ABHD17C: variants seen among roughly 807,000 people sequenced by gnomAD.
ABHD17C encodes the protein alpha/beta hydrolase domain-containing protein 17C.
ABHD17C carries 11 observed loss-of-function variants against 27.9 expected under a neutral mutation model. The observed-to-expected ratio is 0.39, with a 90% CI of 0.25 to 0.65. The LOEUF is 0.65. ABHD17C is among the 30% of genes least tolerant of loss of function. The probability of loss-of-function intolerance (pLI) is 0.45; values close to 1 mark genes in which losing one functional copy is unlikely to be tolerated. For synonymous variants in ABHD17C, 233 were observed against 209.1 expected (o/e 1.11, Z -0.98); for missense variants, 280 against 470.2 (o/e 0.60, Z 3.74).
At position 80,696,212 on chromosome 15, in the gene ABHD17C, C is replaced by T. The variant is rs538751316; in HGVS notation, c.590+193C>T. ...GGCTTGCTCCCACCCTCTCCAAAAA[C>T]CGCGCCAGCCTTCAGGTTCCTGGAG... On this transcript the variant is annotated intron_variant, in intron 1 of 2. Transcript: ENST00000258884. 7.6e-4 allele frequency among the ~76,000 whole-genome samples: 116 copies of T among 152,370 alleles called. No homozygotes were observed. The Middle Eastern group carries it at 0.01, about 13-fold the overall frequency.
Position 80,695,523 on chromosome 15 carries a change from A to C in ABHD17C, c.94A>C (p.Lys32Gln), listed in dbSNP as rs1258104537. ...CPPCPSRIAA[K>Q]LAFLPPEPTY... ...GCCCTGCCCGAGCCGCATCGCCGCC[A>C]AGCTGGCCTTCCTGCCGCCCGAGCC... The change falls in exon 1 of 3, where the codon AAG (lysine) becomes CAG (glutamine). Residue 32 changes from lysine to glutamine, a missense_variant. Lys to Gln is a moderately conservative substitution (Grantham distance 53, BLOSUM62 1). This residue lies in a region of ABHD17C where 74 missense variants were observed against 75.5 expected (regional missense o/e 0.98). Coordinates refer to ENST00000258884, the MANE Select transcript of ABHD17C (RefSeq NM_021214.2). This position sits in a 1 kb window ranked among gnomAD's most constrained non-coding sequence, Gnocchi z 4.3. 1 of 1,373,266 alleles carries C rather than the reference A, an allele frequency of 7.3e-7. No individual in the cohort carries two copies. Among genetic ancestry groups the C allele is most frequent in the Non-Finnish European group, 9.5e-7 (1 of 1,051,040 alleles). The allele number at this position is 1,373,266 out of a possible 1,614,324, so 85.1% of individuals were successfully genotyped here.
At chr15:80,712,117 C>A (rs781413640) in intron 1 of ABHD17C, among the ~76,000 whole-genome samples, 1 of 152,110 alleles carries the variant, frequency 6.6e-6, no homozygotes, top group African/African-American at 2.4e-5. Context: ...AGCCCTTATC[C>A]CCTGGTCCTT....
At chr15:80,713,938 A>ACG (rs1894767577) in intron 1 of ABHD17C, among the ~76,000 whole-genome samples, 1 of 148,424 alleles carries the variant, frequency 6.7e-6, no homozygotes, top group South Asian at 2.2e-4. Context: ...ACACACACAC[A>ACG]CATATATTTA....
intron 1 of ABHD17C, among the ~76,000 whole-genome samples, chr15:80,699,738 T>C (rs1239899090): frequency 6.6e-6 from 1 of 152,048 alleles, no homozygotes; most frequent in Non-Finnish European, 1.5e-5. Flanking sequence ...CAGGAGGAAG[T>C]AGATTTGGTA....
intron 1 of ABHD17C, among the ~76,000 whole-genome samples, chr15:80,726,568 G>T (rs1410124798): frequency 7.8e-6 from 1 of 128,936 alleles, no homozygotes; most frequent in South Asian, 2.6e-4. Context: ...CTGGAGGGCG[G>T]TGGCGAGATC....
At chr15:80,727,791 T>G (rs1380140295) in intron 1 of ABHD17C, among the ~76,000 whole-genome samples, 2 of 152,118 alleles carry the variant, frequency 1.3e-5, no homozygotes, top group African/African-American at 2.4e-5. Context: ...AAGGTTCTGG[T>G]TCTTCATCAT....
At chr15:80,743,268 G>A (rs959113817) in intron 1 of ABHD17C, among the ~76,000 whole-genome samples, 2 of 152,112 alleles carry the variant, frequency 1.3e-5, no homozygotes, top group African/African-American at 2.4e-5. Context: ...AATGGGCAGG[G>A]GAAGGAGAAT....
chr15:80,697,719 A>G (rs548181694), intron 1 of ABHD17C, among the ~76,000 whole-genome samples: 2 of 152,258 alleles, frequency 1.3e-5, no homozygotes, highest in African/African-American at 4.8e-5. Flanking sequence ...ATTAAGGGTA[A>G]TTGTTTCGGA....
At chr15:80,728,479 C>T (rs566015196) in intron 1 of ABHD17C, among the ~76,000 whole-genome samples, 2 of 152,254 alleles carry the variant, frequency 1.3e-5, no homozygotes, top group East Asian at 3.9e-4. Context: ...CTGAGAAGGA[C>T]CAAAGGAGGC....
intron 1 of ABHD17C, among the ~76,000 whole-genome samples, chr15:80,725,507 G>A (rs921636300): frequency 4.0e-5 from 6 of 151,880 alleles, no homozygotes; most frequent in Admixed American, 2.0e-4. Flanking sequence ...TAATTTTTAT[G>A]TATTTCATTT....
intron 1 of ABHD17C, among the ~76,000 whole-genome samples, chr15:80,701,533 G>GCTGGTC (rs1225652239): frequency 1.7e-4 from 26 of 151,946 alleles, no homozygotes; most frequent in Non-Finnish European, 5.9e-5. Context: ...ACACAAATTA[G>GCTGGTC]CTGGTCGTGG....
intron 1 of ABHD17C, chr15:80,703,201 C>T (rs951123757): frequency 1.3e-5 from 2 of 152,326 alleles, no homozygotes; most frequent in Admixed American, 6.5e-5. Flanking sequence ...GGGAGAGAGG[C>T]GCAGACTCCC....
At chr15:80,745,574 TC>T (rs1000615891) in intron 1 of ABHD17C, among the ~76,000 whole-genome samples, 2 of 152,080 alleles carry the variant, frequency 1.3e-5, no homozygotes, top group Admixed American at 1.3e-4. Context: ...GCTTTTTTGC[TC>T]AGGCTGGTCT....
At chr15:80,698,061 CTTTTTTTTTT>C (rs34987348) in intron 1 of ABHD17C, among the ~76,000 whole-genome samples, 1 of 97,044 alleles carries the variant, frequency 1.0e-5, no homozygotes, top group Non-Finnish European at 2.1e-5. Context: ...TTTTATTTCA[CTTTTTTTTTT>C]TTTTTTTTTT....
chr15:80,697,750 G>T (rs1894514105), intron 1 of ABHD17C, among the ~76,000 whole-genome samples: 1 of 152,136 alleles, frequency 6.6e-6, no homozygotes, highest in African/African-American at 2.4e-5. Flanking sequence ...TTATCTGATG[G>T]TATGTCTAAA....
intron 2 of ABHD17C, among the ~76,000 whole-genome samples, chr15:80,750,421 G>A (rs1294579328): frequency 6.6e-6 from 1 of 151,922 alleles, no homozygotes; most frequent in Non-Finnish European, 1.5e-5. Flanking sequence ...TTGCTGGAGG[G>A]GCCTAGGATT....
chr15:80,711,109 G>T (rs909205995), intron 1 of ABHD17C, among the ~76,000 whole-genome samples: 2 of 152,210 alleles, frequency 1.3e-5, no homozygotes, highest in African/African-American at 4.8e-5. Flanking sequence ...AAACCTGAAA[G>T]AATTGGCAGT....
At chr15:80,704,640 C>T (rs1170504842) in intron 1 of ABHD17C, 1 of 152,040 alleles carries the variant, frequency 6.6e-6, no homozygotes, top group Non-Finnish European at 1.5e-5. Flanking sequence ...GAGAAGGGGC[C>T]TGTGGCTGGG....
intron 1 of ABHD17C, among the ~76,000 whole-genome samples, chr15:80,721,882 G>A (rs979401279): frequency 1.3e-5 from 2 of 152,080 alleles, no homozygotes; most frequent in African/African-American, 4.8e-5. Context: ...CCAGCATAAG[G>A]ATGACTTTCC....
Sources: allele counts gnomAD v4.1 joint callset (sites outside exome capture counted in the v4.1 genomes callset), GRCh38; gene constraint gnomAD v4.1.1; regional missense constraint gnomAD v4.1.1; non-coding constraint Gnocchi (gnomAD v3.1); transcripts MANE v1.5; gene names NCBI Gene and HGNC (gene_info 2026-07-23, HGNC 2026-07-21).